CELSR1: variants seen among roughly 807,000 people sequenced by gnomAD.
CELSR1 encodes adhesion G protein-coupled receptor C1.
CELSR1 carries 110 observed loss-of-function variants against 249.1 expected under a neutral mutation model. The observed-to-expected ratio is 0.44, with a 90% confidence interval of 0.38 to 0.52. CELSR1 has a LOEUF of 0.52. CELSR1 is among the 20% of genes least tolerant of loss of function. The pLI is 0.00. For missense variants in CELSR1, 4,109 were observed against 4,296.4 expected, an observed-to-expected ratio of 0.96 and a Z score of 1.22; for synonymous variants, 2,113 against 1,900.0, an observed-to-expected ratio of 1.11 and a Z score of -2.92.
In CELSR1 at chr22:46,379,000, T is replaced by C. The variant is rs544144875; in HGVS notation, c.7257-283A>G. On this transcript the variant is annotated intron_variant, in intron 22 of 34. Coordinates refer to ENST00000674500, the MANE Select transcript of CELSR1 (RefSeq NM_001378328.1). ...AACAGTCTCCCTTCCCTTCTGTGTCTGGTCAGGGCCTCCAAGGAGCACCCT... is the reference window on the plus strand; with the variant it reads ...AACAGTCTCCCTTCCCTTCTGTGTCCGGTCAGGGCCTCCAAGGAGCACCCT... Among the ~76,000 whole-genome samples, 4 of 152,346 alleles carry C rather than the reference T, an allele frequency of 2.6e-5. No individual in the cohort carries two copies. The South Asian group carries it at 8.3e-4, about 32-fold the overall frequency.
rs73448536 is a variant in CELSR1 at position 46,414,897 on chromosome 22, G to A, written c.4612-3138C>T. ...ACCACCTAAATGTCCATCAGTAGATGAGTGGGCAAACTGTGGCCCATCCCT... is the reference window on the plus strand; with the variant it reads ...ACCACCTAAATGTCCATCAGTAGATAAGTGGGCAAACTGTGGCCCATCCCT... On this transcript the variant is annotated intron_variant, in intron 5 of 34. Transcript: ENST00000674500. Among the ~76,000 whole-genome samples the A allele has an allele frequency of 4.4e-3, 664 of 152,324 alleles. 7 individuals carry two copies. The highest frequency in any genetic ancestry group is 0.014 in the African/African-American group (573 of 41,580).
intron 22 of CELSR1, among the ~76,000 whole-genome samples, chr22:46,379,981 A>C (rs188021341): frequency 6.6e-6 from 1 of 152,330 alleles, no homozygotes; most frequent in Admixed American, 6.5e-5. Context: ...AAAACCAACC[A>C]GCAGAGAAAA....
chr22:46,524,864 T>C (rs12485218), intron 1 of CELSR1, among the ~76,000 whole-genome samples: 53,476 of 152,088 alleles, frequency 0.35, 11,260 homozygotes, highest in East Asian at 0.71. Context: ...CTGGGGGCTG[T>C]CCGTGCTTCT....
Position 46,484,084 on chromosome 22 carries a change from G to GCT in CELSR1, c.3545-19741_3545-19740dup, listed in dbSNP as rs1417789272. Among the ~76,000 whole-genome samples the GCT allele has an allele frequency of 6.6e-6, 1 of 152,212 alleles. No homozygotes were observed. Among genetic ancestry groups the GCT allele is most frequent in the Non-Finnish European group, 1.5e-5 (1 of 68,032 alleles). On this transcript the variant is annotated intron_variant, in intron 1 of 34. Coordinates refer to ENST00000674500, the MANE Select transcript of CELSR1 (RefSeq NM_001378328.1). The surrounding 1 kb of genome is among the most constrained non-coding windows in gnomAD (Gnocchi z 4.5). ...CCACGGGCTCCCACGCTCTGCCCTG[G>GCT]CTCTCAGACTCACCTGTAGGGAGGA...
chr22:46,514,136 C>T (rs896731784), intron 1 of CELSR1, among the ~76,000 whole-genome samples: 3 of 152,106 alleles, frequency 2.0e-5, no homozygotes, highest in Non-Finnish European at 4.4e-5. Flanking sequence ...CTTGTCTACA[C>T]TTTTCTCACA....
In CELSR1 at chr22:46,446,082, A is replaced by C; in HGVS notation, c.4184-6671T>G. Among the ~76,000 whole-genome samples, 1 of 151,406 alleles carries C rather than the reference A, an allele frequency of 6.6e-6. No homozygotes were observed. Among genetic ancestry groups the C allele is most frequent in the Non-Finnish European group, 1.5e-5 (1 of 67,832 alleles). ...GCTAGACTCCCACTGCTCCATAAAG[A>C]CCCCAGCCTAAGGGGTCCCAGGGCC... On this transcript the variant is annotated intron_variant, in intron 2 of 34. Transcript: ENST00000674500. The surrounding 1 kb of genome is among the most constrained non-coding windows in gnomAD (Gnocchi z 5.5).
intron 18 of CELSR1, among the ~76,000 whole-genome samples, chr22:46,386,979 A>G (rs964480455): frequency 9.9e-5 from 15 of 152,012 alleles, no homozygotes; most frequent in Non-Finnish European, 2.2e-4. Flanking sequence ...GCTGGTTTTG[A>G]ACTCCTGACC....
rs1374160693 is a variant in CELSR1, at chr22:46,413,406, C to A, written c.4612-1647G>T. 6.6e-6 allele frequency among the ~76,000 whole-genome samples: 1 copy of A among 152,190 alleles called. No homozygotes were observed. Among genetic ancestry groups the A allele is most frequent in the Non-Finnish European group, 1.5e-5 (1 of 68,040 alleles). On this transcript the variant is annotated intron_variant, in intron 5 of 34. Transcript: ENST00000674500. The surrounding 1 kb of genome is among the most constrained non-coding windows in gnomAD (Gnocchi z 4.7). ...GCACAACTGTATGTGGCCACCCCAG[C>A]TGAGGCTTCTCCTCCCTCTTATCCA... is the stretch of plus-strand genomic sequence containing the variant.
intron 1 of CELSR1, among the ~76,000 whole-genome samples, chr22:46,479,616 G>T (rs200487376): frequency 1.3e-4 from 4 of 30,034 alleles, no homozygotes; most frequent in African/African-American, 2.6e-4. Context: ...TGGACTTTTT[G>T]GGGGGGGGCC....
At chr22:46,426,432 G>C (rs1295019687) in intron 5 of CELSR1, among the ~76,000 whole-genome samples, 7 of 152,116 alleles carry the variant, frequency 4.6e-5, no homozygotes, top group Admixed American at 1.3e-4. Context: ...TCTGGCAAGG[G>C]TTCGCCACCC....
Position 46,535,088 on chromosome 22 carries a change from G to A in CELSR1, c.2083C>T (p.Arg695Cys), listed in dbSNP as rs748286224. Residue 695 changes from arginine (R) to cysteine (C), a missense_variant, in exon 1 of 35, where the codon CGT (arginine) becomes TGT (cysteine). Arg to Cys is a radical substitution (Grantham distance 180). Around this residue, in one of 7 missense-constraint regions of CELSR1, gnomAD observed 886 missense variants for 896.5 expected, o/e 0.99. Coordinates refer to ENST00000674500, the MANE Select transcript of CELSR1 (RefSeq NM_001378328.1). Reference protein sequence around the residue: ...PVFTQPTYELRLNEDAAVGSS... With the variant: ...PVFTQPTYELCLNEDAAVGSS... ...CCCACGGCCGCATCCTCATTCAGACGAAGCTCGTAGGTGGGCTGCGTGAAC... is the reference window on the plus strand; with the variant it reads ...CCCACGGCCGCATCCTCATTCAGACAAAGCTCGTAGGTGGGCTGCGTGAAC... 17 of 1,612,120 alleles carry A rather than the reference G, an allele frequency of 1.1e-5. No individual in the cohort carries two copies. Among genetic ancestry groups the A allele is most frequent in the Admixed American group, 6.7e-5 (4 of 59,968 alleles).
chr22:46,431,852 AG>A (rs2079599639), intron 5 of CELSR1, among the ~76,000 whole-genome samples: 2 of 152,206 alleles, frequency 1.3e-5, no homozygotes, highest in Non-Finnish European at 2.9e-5. Flanking sequence ...CTCAGCCCTG[AG>A]CCCCTCACCC....
At chr22:46,403,873 T>C (rs2079234498) in intron 9 of CELSR1, among the ~76,000 whole-genome samples, 1 of 145,436 alleles carries the variant, frequency 6.9e-6, no homozygotes, top group Non-Finnish European at 1.5e-5. Context: ...CTAAGGAGGC[T>C]GAGGCAAGGG....
intron 5 of CELSR1, among the ~76,000 whole-genome samples, chr22:46,425,309 G>C (rs1218381218): frequency 6.6e-6 from 1 of 152,224 alleles, no homozygotes; most frequent in East Asian, 1.9e-4. Context: ...AATGCTTCAT[G>C]AACTGAACTG....
In CELSR1 at chr22:46,381,270, A is replaced by T. The variant is rs16995158; in HGVS notation, c.7089-315T>A. On this transcript the variant is annotated intron_variant, in intron 21 of 34. Transcript: ENST00000674500. This position sits in a 1 kb window ranked among gnomAD's most constrained non-coding sequence, Gnocchi z 6.0. ...TGGCAGAATCACAGGGGATGGTTTC[A>T]GTGTCCAGCAAAAGACACCAAAATA... 2.6e-5 allele frequency among the ~76,000 whole-genome samples: 4 copies of T among 152,188 alleles called. No individual in the cohort carries two copies. The highest frequency in any genetic ancestry group is 9.7e-5 in the African/African-American group (4 of 41,426).
Position 46,369,224 on chromosome 22 carries a change from A to G in CELSR1, c.7907T>C (p.Val2636Ala). The G allele has an allele frequency of 6.2e-7, 1 of 1,614,046 alleles. No individual in the cohort carries two copies. Among genetic ancestry groups the G allele is most frequent in the Non-Finnish European group, 8.5e-7 (1 of 1,179,980 alleles). ...ATAATGGTGCTTTCTTTGGCAGGAA[A>G]CCTTTGCAGATAGGACAGAAGTGAC... ...NTVTSVLSAK[V>A]SCQRKHHYYG... Residue 2636 changes from valine (V) to alanine (A), a missense_variant, in exon 27 of 35, where the codon GTT becomes GCT. Physicochemically the swap from Val to Ala is moderately conservative, Grantham distance 64. This residue lies in a region of CELSR1 where 1,805 missense variants were observed against 1,831.6 expected (regional missense o/e 0.99). Transcript: ENST00000674500.
chr22:46,532,876 C>T (rs2147819613), intron 1 of CELSR1, among the ~76,000 whole-genome samples: 1 of 152,260 alleles, frequency 6.6e-6, no homozygotes, highest in African/African-American at 2.4e-5. Flanking sequence ...GCATAGAGGA[C>T]CGGCCAAACT....
chr22:46,404,361 G>C (rs1050762396), intron 9 of CELSR1, among the ~76,000 whole-genome samples: 1 of 151,802 alleles, frequency 6.6e-6, no homozygotes, highest in Non-Finnish European at 1.5e-5. Flanking sequence ...GCAGTGAGCA[G>C]AGTTCACGCC....
At chr22:46,483,089 G>C (rs1401503117) in intron 1 of CELSR1, among the ~76,000 whole-genome samples, 4 of 152,140 alleles carry the variant, frequency 2.6e-5, no homozygotes. Flanking sequence ...GGTGAACTAA[G>C]GACTTAAGCA....
Sources: gnomAD v4.1 joint callset for allele counts (sites outside exome capture counted in the v4.1 genomes callset) on GRCh38, gnomAD v4.1.1 for gene constraint, gnomAD v4.1.1 regional missense constraint, Gnocchi (gnomAD v3.1) non-coding constraint, MANE v1.5 for transcripts, NCBI Gene and HGNC (gene_info 2026-07-23, HGNC 2026-07-21) for gene names.